Variants in LIN7A observed in about 807,000 individuals in gnomAD.
LIN7A encodes protein lin-7 homolog A.
A neutral mutation model predicts 29.8 loss-of-function variants in LIN7A; 25 were observed. That is an observed-to-expected ratio of 0.84 (90% confidence interval 0.61 to 1.17). The LOEUF (loss-of-function observed/expected upper bound fraction) is 1.17. LIN7A is among the 50% of genes most tolerant of loss of function. LIN7A has a pLI of 0.00. For synonymous variants in LIN7A, 118 were observed against 107.5 expected (o/e 1.10, Z -0.60); for missense variants, 239 against 287.0 (o/e 0.83, Z 1.21).
chr12:80,883,447 T>C (rs962802169), intron 2 of LIN7A, among the ~76,000 whole-genome samples: 5 of 152,340 alleles, frequency 3.3e-5, no homozygotes, highest in South Asian at 4.1e-4. Flanking sequence ...AATAGCTCAA[T>C]TTATTTTAAT....
At chr12:80,844,889 CT>C (rs1217894171) in intron 4 of LIN7A, among the ~76,000 whole-genome samples, 1 of 151,936 alleles carries the variant, frequency 6.6e-6, no homozygotes, top group Non-Finnish European at 1.5e-5. Context: ...TAATCAAACT[CT>C]TTTTTGGAGG....
chr12:80,812,531 G>GTT (rs77509769), intron 4 of LIN7A, among the ~76,000 whole-genome samples: 14,319 of 149,210 alleles, frequency 0.096, 743 homozygotes, highest in East Asian at 0.18. Context: ...GTGCAAAAGG[G>GTT]TTTTTTTTCT....
chr12:80,808,978 ATT>A (rs34489397), intron 5 of LIN7A, among the ~76,000 whole-genome samples: 106,804 of 144,930 alleles, frequency 0.74, 39,225 homozygotes, highest in African/African-American at 0.81. Context: ...TCTTCTTTTC[ATT>A]TTTTTTTTTT....
intron 1 of LIN7A, among the ~76,000 whole-genome samples, chr12:80,911,268 A>ATTT (rs768907424): frequency 9.4e-5 from 10 of 105,870 alleles, no homozygotes; most frequent in African/African-American, 1.4e-4. Context: ...AAGTTTGTCT[A>ATTT]TTTTTTTTTT....
intron 4 of LIN7A, among the ~76,000 whole-genome samples, chr12:80,835,477 T>TG (rs1423078238): frequency 6.6e-6 from 1 of 152,082 alleles, no homozygotes; most frequent in Non-Finnish European, 1.5e-5. Flanking sequence ...GAGTATTTAA[T>TG]GGGGGACTTT....
At chr12:80,829,957 T>G (rs1001372508) in intron 4 of LIN7A, among the ~76,000 whole-genome samples, 9 of 152,228 alleles carry the variant, frequency 5.9e-5, no homozygotes, top group African/African-American at 9.6e-5. Flanking sequence ...TGCACTCTCG[T>G]GCTTAAAATA....
At chr12:80,849,040 T>G (rs1362270346) in intron 2 of LIN7A, among the ~76,000 whole-genome samples, 1 of 152,140 alleles carries the variant, frequency 6.6e-6, no homozygotes, top group Non-Finnish European at 1.5e-5. Context: ...TTTGGTTGAA[T>G]CTCCACTAAC....
intron 1 of LIN7A, 189 bp downstream of exon 1, chr12:80,937,452 G>A: frequency 2.4e-6 from 1 of 413,236 alleles, no homozygotes; most frequent in Non-Finnish European, 4.2e-6. Context: ...GGAAGGGGCA[G>A]CGGGAACGTA....
chr12:80,896,007 G>C (rs1392038148), intron 1 of LIN7A, among the ~76,000 whole-genome samples: 1 of 152,184 alleles, frequency 6.6e-6, no homozygotes, highest in Non-Finnish European at 1.5e-5. Context: ...GCTGCCAGGA[G>C]AGCAGGTGAC....
chr12:80,913,064 A>G (rs1273917175), intron 1 of LIN7A, among the ~76,000 whole-genome samples: 1 of 152,186 alleles, frequency 6.6e-6, no homozygotes. Context: ...GCTACAAAAA[A>G]CAGTATAAAG....
intron 4 of LIN7A, among the ~76,000 whole-genome samples, chr12:80,839,697 T>C (rs182744996): frequency 2.2e-3 from 335 of 152,348 alleles, no homozygotes; most frequent in African/African-American, 7.5e-3. Flanking sequence ...TCTACAGTTC[T>C]AATTTTTATT....
At chr12:80,930,183 A>G (rs958003961) in intron 1 of LIN7A, among the ~76,000 whole-genome samples, 16 of 152,224 alleles carry the variant, frequency 1.1e-4, no homozygotes, top group Non-Finnish European at 1.5e-5. Flanking sequence ...ATTACCATCA[A>G]TGGAAATTAG....
chr12:80,882,284 A>ATTTTTTTTTTT (rs1463134808), intron 2 of LIN7A, among the ~76,000 whole-genome samples: 1 of 71,988 alleles, frequency 1.4e-5, no homozygotes, highest in Non-Finnish European at 5.2e-5. Context: ...TTTTTCTTTC[A>ATTTTTTTTTTT]TTCTTTTTTT....
At chr12:80,869,242 C>A (rs560729133) in intron 2 of LIN7A, among the ~76,000 whole-genome samples, 13 of 151,908 alleles carry the variant, frequency 8.6e-5, no homozygotes, top group Admixed American at 6.6e-4. Context: ...GAATTCTAGG[C>A]AGCTCAAGTG....
intron 4 of LIN7A, among the ~76,000 whole-genome samples, chr12:80,841,202 G>A (rs1344688272): frequency 6.6e-6 from 1 of 152,006 alleles, no homozygotes; most frequent in African/African-American, 2.4e-5. Context: ...ACAATAGGGT[G>A]TGAGCTTAAG....
At chr12:80,882,035 T>C (rs1875070912) in intron 2 of LIN7A, among the ~76,000 whole-genome samples, 1 of 152,110 alleles carries the variant, frequency 6.6e-6, no homozygotes. Flanking sequence ...CTTTCTATGC[T>C]GGTTGCCTTT....
At chr12:80,920,248 T>A (rs1035887806) in intron 1 of LIN7A, among the ~76,000 whole-genome samples, 3 of 152,194 alleles carry the variant, frequency 2.0e-5, no homozygotes, top group Non-Finnish European at 4.4e-5. Context: ...GAATTTAATA[T>A]GATATCCATG....
Position 80,813,782 on chromosome 12 carries a change from G to C in LIN7A, c.484-2099C>G, listed in dbSNP as rs774111866. On this transcript the variant is annotated intron_variant, in intron 4 of 5. Coordinates refer to ENST00000552864, the MANE Select transcript of LIN7A (RefSeq NM_004664.4). ...AGGAAACCCTGGCTCCTGCCCCTCTGAGCGGATCACCAGGGCAGATGACAG... is the reference window on the plus strand; with the variant it reads ...AGGAAACCCTGGCTCCTGCCCCTCTCAGCGGATCACCAGGGCAGATGACAG... Among the ~76,000 whole-genome samples, 114 of 152,246 alleles carry C rather than the reference G, an allele frequency of 7.5e-4. No homozygotes were observed. In the Middle Eastern group the frequency reaches 0.014, roughly 18 times the overall value.
chr12:80,824,644 C>T, intron 4 of LIN7A, among the ~76,000 whole-genome samples: 1 of 152,210 alleles, frequency 6.6e-6, no homozygotes, highest in East Asian at 1.9e-4. Context: ...AATCCAACAA[C>T]ATATCAAAAA....
Sources: allele counts gnomAD v4.1 joint callset (sites outside exome capture counted in the v4.1 genomes callset), GRCh38; gene constraint gnomAD v4.1.1; transcripts MANE v1.5; gene names NCBI Gene and HGNC (gene_info 2026-07-23, HGNC 2026-07-21).